The following CADPS2 variants were observed in gnomAD, a reference collection of about 807,000 sequenced individuals.
The protein encoded by CADPS2 is calcium dependent secretion activator 2.
In CADPS2, 93 loss-of-function variants were observed where a neutral mutation model predicts 172.5. The ratio of observed to expected loss-of-function variants is 0.54; its 90% CI spans 0.46 to 0.64. The LOEUF (loss-of-function observed/expected upper bound fraction) is 0.64, where lower values mean the gene tolerates loss of function less well. Among genes scored for constraint, CADPS2 ranks in the 30% least tolerant of loss-of-function variants. CADPS2 has a pLI of 0.00. For missense variants in CADPS2, 1,420 were observed against 1,565.9 expected (o/e 0.91, Z 1.57); for synonymous variants, 546 against 555.2 (o/e 0.98, Z 0.23).
chr7:122,587,122 T>G (rs2069840518), intron 6 of CADPS2, among the ~76,000 whole-genome samples: 1 of 152,022 alleles, frequency 6.6e-6, no homozygotes, highest in Admixed American at 6.6e-5. Flanking sequence ...CTTTTTTATT[T>G]TTAGTTCTGG....
At position 122,607,902 on chromosome 7, in the gene CADPS2, G is replaced by A. The variant is rs371204184; in HGVS notation, c.1223+7279C>T. The stretch of plus-strand genomic sequence containing the variant: ...GAGAAAACTTTTGTGTGGTTTGAGT[G>A]TTTTGCCTTTGGTTCATTAAAAATA... On this transcript the variant is annotated intron_variant, in intron 6 of 29. Coordinates refer to ENST00000449022, the MANE Select transcript of CADPS2 (RefSeq NM_017954.11). Among the ~76,000 whole-genome samples, 93 of 152,222 alleles carry A rather than the reference G, an allele frequency of 6.1e-4. 1 individual carries two copies. The South Asian group carries it at 0.018, about 30-fold the overall frequency.
chr7:122,375,339 TAA>T (rs1423012566), intron 25 of CADPS2, among the ~76,000 whole-genome samples: 3 of 152,112 alleles, frequency 2.0e-5, no homozygotes, highest in African/African-American at 7.2e-5. Context: ...TAAACAATGT[TAA>T]CTTTTTTAAG....
chr7:122,656,304 C>T (rs1254179343), intron 3 of CADPS2, among the ~76,000 whole-genome samples: 2 of 152,098 alleles, frequency 1.3e-5, no homozygotes, highest in Non-Finnish European at 2.9e-5. Flanking sequence ...TTCAATCTCC[C>T]AGATCCTTCT....
chr7:122,591,394 G>T (rs1459761376), intron 6 of CADPS2, among the ~76,000 whole-genome samples: 4 of 152,094 alleles, frequency 2.6e-5, no homozygotes, highest in Non-Finnish European at 5.9e-5. Context: ...TCAATATCGT[G>T]AAAATGGCCA....
intron 24 of CADPS2, among the ~76,000 whole-genome samples, chr7:122,386,124 C>A (rs2043634384): frequency 1.3e-5 from 2 of 151,798 alleles, no homozygotes; most frequent in Admixed American, 6.6e-5. Flanking sequence ...AATCTTTGGA[C>A]TATTGCTATG....
intron 7 of CADPS2, among the ~76,000 whole-genome samples, chr7:122,579,378 T>C (rs1384673052): frequency 1.3e-5 from 2 of 150,458 alleles, no homozygotes; most frequent in East Asian, 3.9e-4. Context: ...CTGTAATAGA[T>C]AGAAAAGTTG....
intron 3 of CADPS2, among the ~76,000 whole-genome samples, chr7:122,633,798 C>T (rs1487562728): frequency 6.6e-6 from 1 of 152,048 alleles, no homozygotes; most frequent in East Asian, 1.9e-4. Context: ...AGTTCCAGCT[C>T]TTCTCCATCC....
At chr7:122,513,449 G>T in intron 8 of CADPS2, 134 bp from the exon 9 acceptor site, 1 of 647,516 alleles carries the variant, frequency 1.5e-6, no homozygotes. Context: ...TTTGGAAAGT[G>T]AGACAACCTG....
chr7:122,550,555 T>C lies in CADPS2; in HGVS notation c.1475+3995A>G, dbSNP rs151031509. On this transcript the variant is annotated intron_variant, in intron 8 of 29. Transcript: ENST00000449022. The stretch of plus-strand genomic sequence containing the variant: ...AAGCCAATTTTCTCTTTTTCAGTTA[T>C]AGATTTAATTGTCATAACAGTCATT... Among the ~76,000 whole-genome samples the C allele has an allele frequency of 3.0e-3, 463 of 152,326 alleles. 1 individual carries two copies. Among genetic ancestry groups the C allele is most frequent in the Non-Finnish European group, 5.9e-3 (403 of 68,012 alleles).
intron 7 of CADPS2, among the ~76,000 whole-genome samples, chr7:122,570,311 T>C (rs942143179): frequency 1.2e-4 from 19 of 152,150 alleles, no homozygotes; most frequent in African/African-American, 4.6e-4. Flanking sequence ...ATCAGAGAAA[T>C]TGAAATCAAA....
intron 1 of CADPS2, among the ~76,000 whole-genome samples, chr7:122,834,303 A>G (rs1807551450): frequency 6.6e-6 from 1 of 152,228 alleles, no homozygotes; most frequent in South Asian, 2.1e-4. Flanking sequence ...AAGAAAAAGA[A>G]GAGCCAGGCA....
chr7:122,401,089 T>G (rs927922533), intron 20 of CADPS2, among the ~76,000 whole-genome samples: 1 of 152,244 alleles, frequency 6.6e-6, no homozygotes, highest in African/African-American at 2.4e-5. Context: ...CCTTGTTAAT[T>G]ATTAACACTA....
At chr7:122,462,233 G>GT (rs1281581602) in intron 14 of CADPS2, among the ~76,000 whole-genome samples, 1 of 152,078 alleles carries the variant, frequency 6.6e-6, no homozygotes, top group Non-Finnish European at 1.5e-5. Context: ...CAGAAAGGGG[G>GT]TGACTGGAGG....
chr7:122,747,157 T>C (rs903043234), intron 1 of CADPS2, among the ~76,000 whole-genome samples: 1 of 152,110 alleles, frequency 6.6e-6, no homozygotes, highest in Non-Finnish European at 1.5e-5. Flanking sequence ...AAATAGAAAC[T>C]TTAATGAGCC....
At chr7:122,809,501 A>AC (rs1370272230) in intron 1 of CADPS2, among the ~76,000 whole-genome samples, 4 of 150,434 alleles carry the variant, frequency 2.7e-5, no homozygotes, top group Non-Finnish European at 5.9e-5. Flanking sequence ...AATTGCTTGA[A>AC]CCCGGGAAGC....
intron 2 of CADPS2, among the ~76,000 whole-genome samples, chr7:122,727,680 C>T (rs1339842939): frequency 1.3e-5 from 2 of 151,872 alleles, no homozygotes; most frequent in African/African-American, 4.8e-5. Flanking sequence ...ATTATCCAGT[C>T]TTCATAACAA....
At chr7:122,457,421 A>C (rs1316624114) in intron 14 of CADPS2, among the ~76,000 whole-genome samples, 1 of 152,212 alleles carries the variant, frequency 6.6e-6, no homozygotes, top group African/African-American at 2.4e-5. Flanking sequence ...ATTCCTTTGG[A>C]GTACATTTGA....
chr7:122,493,134 T>C (rs1284318148), intron 9 of CADPS2, among the ~76,000 whole-genome samples: 1 of 152,100 alleles, frequency 6.6e-6, no homozygotes, highest in Non-Finnish European at 1.5e-5. Context: ...TAAGAGAAGA[T>C]GCATGCAAAA....
chr7:122,683,189 C>T (rs1044007086), intron 2 of CADPS2, among the ~76,000 whole-genome samples: 3 of 152,158 alleles, frequency 2.0e-5, no homozygotes, highest in East Asian at 1.9e-4. Context: ...GTGATCTTTC[C>T]CTGAAGCCAC....
Sources: gnomAD v4.1 joint callset for allele counts (sites outside exome capture counted in the v4.1 genomes callset) on GRCh38, gnomAD v4.1.1 for gene constraint, MANE v1.5 for transcripts, NCBI Gene and HGNC (gene_info 2026-07-23, HGNC 2026-07-21) for gene names.